Variants in PACRGL observed in about 807,000 individuals in gnomAD.
The protein encoded by PACRGL is PACRG-like protein.
A neutral mutation model predicts 34.5 loss-of-function variants in PACRGL; 38 were observed. That is an observed-to-expected ratio of 1.10 (90% confidence interval 0.85 to 1.44). The LOEUF is 1.44. Ranked by LOEUF, PACRGL falls within the 40% of genes most tolerant of loss-of-function variation. PACRGL has a pLI of 0.00. For synonymous variants in PACRGL, 128 were observed against 100.1 expected (o/e 1.28, Z -1.66); for missense variants, 305 against 281.4 (o/e 1.08, Z -0.60).
At chr4:20,740,785 G>A (rs955540768) in intron 8 of PACRGL, among the ~76,000 whole-genome samples, 1 of 151,500 alleles carries the variant, frequency 6.6e-6, no homozygotes, top group Non-Finnish European at 1.5e-5. Context: ...CTGGCAAATA[G>A]GATTGTCAAG....
rs78911257 is a variant in PACRGL, at chr4:20,715,911, A to T, written c.609+2372A>T. Among the ~76,000 whole-genome samples the T allele has an allele frequency of 3.9e-3, 598 of 152,212 alleles. 6 individuals are homozygous for T. The highest frequency in any genetic ancestry group is 0.014 in the African/African-American group (561 of 41,534). ...TGGATAAAAGCTAATGAATGGTAAGATGGTATTATGCTCATGTTGATTAAC... is the reference window on the plus strand; with the variant it reads ...TGGATAAAAGCTAATGAATGGTAAGTTGGTATTATGCTCATGTTGATTAAC... On this transcript the variant is annotated intron_variant, in intron 7 of 8. Coordinates refer to ENST00000503585, the MANE Select transcript of PACRGL (RefSeq NM_001258345.3).
rs1042009750 is a variant in PACRGL at position 20,731,351 on chromosome 4, G to A, written c.*4010G>A. On this transcript the variant is annotated 3_prime_UTR_variant, in exon 9 of 9. Transcript: ENST00000503585. ...AGCCTCCCATAGTGCTGGGATTACA[G>A]TTGTGAGCTACTGTACCAGGCCTTA... is the stretch of plus-strand genomic sequence containing the variant. 1 of 975,288 alleles carries A rather than the reference G, an allele frequency of 1.0e-6. No individual in the cohort carries two copies. The highest frequency in any genetic ancestry group is 1.2e-6 in the Non-Finnish European group (1 of 820,820). 60.4% of individuals were successfully genotyped at this position (975,288 alleles called of 1,614,324 possible).
chr4:20,749,155 CAAAAA>C (rs1553888859), intron 8 of PACRGL, among the ~76,000 whole-genome samples: 2 of 129,010 alleles, frequency 1.6e-5, no homozygotes, highest in African/African-American at 2.7e-5. Flanking sequence ...GAGACTCTTT[CAAAAA>C]AAAAAAAAAA....
chr4:20,746,377 T>TG (rs376605800), intron 8 of PACRGL, among the ~76,000 whole-genome samples: 2 of 147,430 alleles, frequency 1.4e-5, no homozygotes, highest in African/African-American at 2.5e-5. Flanking sequence ...TGTCGGAGGG[T>TG]GGGGGGCTAG....
chr4:20,707,766 G>C lies in PACRGL; in HGVS notation c.208-37G>C. On this transcript the variant is annotated intron_variant, in intron 3 of 8. Coordinates refer to ENST00000503585, the MANE Select transcript of PACRGL (RefSeq NM_001258345.3). The stretch of plus-strand genomic sequence containing the variant: ...TGGCTGTGTGCTTCTGACCTCAGAA[G>C]TATAGGTGATAGTAATATTTTCATT... The C allele has an allele frequency of 1.9e-6, 3 of 1,568,060 alleles. No homozygotes were observed. In the South Asian group the frequency reaches 3.3e-5, roughly 17 times the overall value.
intron 1 of PACRGL, chr4:20,702,627 C>G (rs1732688606): frequency 7.7e-6 from 1 of 129,102 alleles, no homozygotes; most frequent in Non-Finnish European, 1.6e-5. Flanking sequence ...GTTGAGGAAA[C>G]TGATGCATTT....
chr4:20,748,628 T>C (rs1052230060), intron 8 of PACRGL, among the ~76,000 whole-genome samples: 1 of 141,920 alleles, frequency 7.0e-6, no homozygotes, highest in African/African-American at 2.6e-5. Flanking sequence ...TATAAATGTA[T>C]ATATGGAAAA....
intron 4 of PACRGL, among the ~76,000 whole-genome samples, chr4:20,709,139 CA>C (rs35744899): frequency 1.3e-5 from 2 of 151,562 alleles, no homozygotes; most frequent in African/African-American, 4.8e-5. Flanking sequence ...AACTTCGTCT[CA>C]AAAAAAAGCA....
At position 20,732,520 on chromosome 4, in the gene PACRGL, A is replaced by G. The variant is rs150275793; in HGVS notation, c.*5179A>G. 1.4e-3 allele frequency among the ~76,000 whole-genome samples: 208 copies of G among 152,350 alleles called. No individual in the cohort carries two copies. Among genetic ancestry groups the G allele is most frequent in the African/African-American group, 4.5e-3 (189 of 41,590 alleles). ...ATAAATGCAGTTATCAGCATTGTAAATTCAAAACCAAAGCTATTAAATTAA... is the reference window on the plus strand; with the variant it reads ...ATAAATGCAGTTATCAGCATTGTAAGTTCAAAACCAAAGCTATTAAATTAA... On this transcript the variant is annotated 3_prime_UTR_variant, in exon 9 of 9. Transcript: ENST00000503585.
In PACRGL at chr4:20,704,533, G is replaced by A. The variant is rs1733675653; in HGVS notation, c.52G>A (p.Gly18Ser). The A allele has an allele frequency of 6.2e-7, 1 of 1,613,686 alleles. No individual in the cohort carries two copies. Among genetic ancestry groups the A allele is most frequent in the East Asian group, 2.2e-5 (1 of 44,868 alleles). ...TACACAGTTGAAAAACAGAGCAACA[G>A]GTACAGAGCTTTTGTTTTTAAGTGA... is the stretch of plus-strand genomic sequence containing the variant. ...GGTQLKNRAT[G>S]NYDQRTSSST... The change falls in exon 2 of 9, where the codon GGT (glycine) becomes AGT (serine). Residue 18 changes from glycine (G) to serine (S), a missense_variant and splice_region_variant. By Grantham distance (56) the Gly-to-Ser change is moderately conservative. Coordinates refer to ENST00000503585, the MANE Select transcript of PACRGL (RefSeq NM_001258345.3).
chr4:20,735,344 A>G (rs1749321901), downstream of PACRGL, among the ~76,000 whole-genome samples: 1 of 152,104 alleles, frequency 6.6e-6, no homozygotes, highest in Admixed American at 6.6e-5. Flanking sequence ...GGAGCTAATA[A>G]TAGTATCTAC....
intron 8 of PACRGL, among the ~76,000 whole-genome samples, chr4:20,741,064 C>G (rs1200532475): frequency 2.0e-5 from 3 of 151,946 alleles, no homozygotes; most frequent in Admixed American, 1.3e-4. Flanking sequence ...CACCCAGATT[C>G]ATAAAACAAG....
chr4:20,702,033 C>T, intron 1 of PACRGL: 1 of 438,290 alleles, frequency 2.3e-6, no homozygotes, highest in Non-Finnish European at 4.6e-6. Flanking sequence ...GTCCTGTATA[C>T]TCATAAACTG....
rs747333737 is a variant in PACRGL at position 20,709,766 on chromosome 4, T to C, written c.359T>C (p.Leu120Ser). The C allele has an allele frequency of 1.9e-6, 3 of 1,591,286 alleles. No homozygotes were observed. Among genetic ancestry groups the C allele is most frequent in the South Asian group, 1.1e-5 (1 of 90,368 alleles). Reference protein sequence around the residue: ...SLSFDPLLITLAEGLRETKHP... With the variant: ...SLSFDPLLITSAEGLRETKHP... ...TCATTTGATCCACTTCTTATTACTT[T>C]AGCTGAGGTAAATATGCCATCTCTT... Residue 120 changes from leucine to serine, a missense_variant, in exon 5 of 9, where the codon TTA (leucine) becomes TCA (serine). Coordinates refer to ENST00000503585, the MANE Select transcript of PACRGL (RefSeq NM_001258345.3).
chr4:20,707,282 TGAA>T (rs1426218704), intron 3 of PACRGL, among the ~76,000 whole-genome samples: 2,485 of 152,284 alleles, frequency 0.016, 1 homozygote, highest in African/African-American at 0.057. Flanking sequence ...TGAAAGGTTA[TGAA>T]GTTATATATC....
intron 7 of PACRGL, among the ~76,000 whole-genome samples, chr4:20,719,899 C>G (rs1358494512): frequency 6.6e-6 from 1 of 151,964 alleles, no homozygotes; most frequent in Non-Finnish European, 1.5e-5. Flanking sequence ...AACTTTCTGT[C>G]TCGTTGATCT....
In PACRGL at chr4:20,729,605, T is replaced by TGGGAAGGCC. The variant is rs1249593891; in HGVS notation, c.*2264_*2265insGGGAAGGCC. 1 of 142,348 alleles carries TGGGAAGGCC rather than the reference T, an allele frequency of 7.0e-6. No homozygotes were observed. The highest frequency in any genetic ancestry group is 2.7e-5 in the African/African-American group (1 of 36,726). The allele number at this position is 142,348 out of a possible 1,614,324, so 8.8% of individuals were successfully genotyped here. ...TTGTTGTAATCTTGTTTCCTTAAAG[T>TGGGAAGGCC]ATATAAATGGAATTTAAATGGAATT... On this transcript the variant is annotated 3_prime_UTR_variant, in exon 9 of 9. Transcript: ENST00000503585.
intron 8 of PACRGL, among the ~76,000 whole-genome samples, chr4:20,742,675 C>T (rs528351146): frequency 1.3e-5 from 2 of 152,316 alleles, no homozygotes; most frequent in Non-Finnish European, 2.9e-5. Context: ...TGCCCTCTCT[C>T]ACCACTCCTA....
the PACRGL span, among the ~76,000 whole-genome samples, chr4:20,762,190 A>G: frequency 6.6e-6 from 1 of 152,176 alleles, no homozygotes; most frequent in Non-Finnish European, 1.5e-5. Flanking sequence ...GGCATCTTCT[A>G]GCTGTGTTCC....
Sources: gnomAD v4.1 joint callset for allele counts (sites outside exome capture counted in the v4.1 genomes callset) on GRCh38, gnomAD v4.1.1 for gene constraint, MANE v1.5 for transcripts, NCBI Gene and HGNC (gene_info 2026-07-23, HGNC 2026-07-21) for gene names.